The following ZFYVE28 variants were observed in gnomAD, a reference collection of about 807,000 sequenced individuals.
ZFYVE28 encodes the protein zinc finger FYVE-type containing 28, also known as lateral signaling target protein 2 homolog.
In ZFYVE28, 40 loss-of-function variants were observed where a neutral mutation model predicts 82.1. The ratio of observed to expected loss-of-function variants is 0.49; its 90% CI spans 0.38 to 0.63. The LOEUF (loss-of-function observed/expected upper bound fraction) is 0.63. ZFYVE28 is among the 30% of genes least tolerant of loss of function. The pLI is 0.00. For missense variants in ZFYVE28, 1,321 were observed against 1,242.1 expected, an observed-to-expected ratio of 1.06 and a Z score of -0.96; for synonymous variants, 612 against 546.1, an observed-to-expected ratio of 1.12 and a Z score of -1.68.
In ZFYVE28 at chr4:2,321,408, G is replaced by GA. The variant is rs371336050; in HGVS notation, c.702-1138dup. Among the ~76,000 whole-genome samples the GA allele has an allele frequency of 2.2e-3, 342 of 152,262 alleles. 3 individuals are homozygous for GA. Among genetic ancestry groups the GA allele is most frequent in the African/African-American group, 7.6e-3 (317 of 41,560 alleles). On this transcript the variant is annotated intron_variant, in intron 6 of 12. Coordinates refer to ENST00000290974, the MANE Select transcript of ZFYVE28 (RefSeq NM_020972.3). ...AATCGTTGGGTTTCATGTGCAAAAAGAAGATTTGAAAGTCACAGGAAAAGT... is the reference window on the plus strand; with the variant it reads ...AATCGTTGGGTTTCATGTGCAAAAAGAAAGATTTGAAAGTCACAGGAAAAGT...
Position 2,378,653 on chromosome 4 carries a change from T to C in ZFYVE28, c.40-24580A>G, listed in dbSNP as rs370638151. On this transcript the variant is annotated intron_variant, in intron 1 of 12. Coordinates refer to ENST00000290974, the MANE Select transcript of ZFYVE28 (RefSeq NM_020972.3). ...CTCCCGGCTGGGGCTGGTCCTCCTG[T>C]GGACTGTGAGGCAGCACCCTGTCAT... Among the ~76,000 whole-genome samples, 34 of 152,310 alleles carry C rather than the reference T, an allele frequency of 2.2e-4. No individual in the cohort carries two copies. In the South Asian group the frequency reaches 3.9e-3, roughly 18 times the overall value.
intron 6 of ZFYVE28, among the ~76,000 whole-genome samples, chr4:2,324,292 G>T (rs989182643): frequency 6.6e-6 from 1 of 152,112 alleles, no homozygotes; most frequent in South Asian, 2.1e-4. Flanking sequence ...CCCACATCAC[G>T]GAGGGTCGTC....
intron 7 of ZFYVE28, among the ~76,000 whole-genome samples, chr4:2,317,798 A>G (rs941027271): frequency 1.3e-5 from 2 of 152,148 alleles, no homozygotes; most frequent in Non-Finnish European, 2.9e-5. Flanking sequence ...ACGCCCAGCT[A>G]ATTTTTATAT....
At chr4:2,276,257 A>G (rs1164375854) in intron 8 of ZFYVE28, among the ~76,000 whole-genome samples, 1 of 152,220 alleles carries the variant, frequency 6.6e-6, no homozygotes, top group Admixed American at 6.5e-5. Context: ...TAGGAGGCTT[A>G]GGGGGCCTGG....
rs1034147735 is a variant in ZFYVE28 at position 2,333,635 on chromosome 4, G to A, written c.701+2070C>T. 3.9e-5 allele frequency among the ~76,000 whole-genome samples: 6 copies of A among 152,234 alleles called. No homozygotes were observed. The East Asian group carries it at 1.2e-3, about 30-fold the overall frequency. On this transcript the variant is annotated intron_variant, in intron 6 of 12. Coordinates refer to ENST00000290974, the MANE Select transcript of ZFYVE28 (RefSeq NM_020972.3). The stretch of plus-strand genomic sequence containing the variant: ...CCGGCTCATTGACACGGGCATGAGT[G>A]GGCGGGTGGCTTGGTGCCACACCTC...
chr4:2,356,035 C>T (rs865955361), intron 1 of ZFYVE28, among the ~76,000 whole-genome samples: 2 of 152,216 alleles, frequency 1.3e-5, no homozygotes, highest in Non-Finnish European at 2.9e-5. Flanking sequence ...TCTGGCCTGC[C>T]ACCCCTCCCC....
intron 6 of ZFYVE28, among the ~76,000 whole-genome samples, chr4:2,323,135 T>C (rs1319135629): frequency 6.6e-6 from 1 of 152,210 alleles, no homozygotes; most frequent in Non-Finnish European, 1.5e-5. Context: ...ACCAACTGTT[T>C]TCCGTAGCAG....
At chr4:2,311,569 T>G (rs1425707276) in intron 7 of ZFYVE28, among the ~76,000 whole-genome samples, 2 of 152,214 alleles carry the variant, frequency 1.3e-5, no homozygotes, top group Non-Finnish European at 1.5e-5. Flanking sequence ...TTTCCCCTAC[T>G]ATACATTTGT....
rs188793261 is a variant in ZFYVE28, at chr4:2,380,410, G to A, written c.40-26337C>T. On this transcript the variant is annotated intron_variant, in intron 1 of 12. Coordinates refer to ENST00000290974, the MANE Select transcript of ZFYVE28 (RefSeq NM_020972.3). The stretch of plus-strand genomic sequence containing the variant: ...CTCCAAGAACAACTGCCGAGTTATC[G>A]GCTAAGAATCATTGCTTCATGACCA... Among the ~76,000 whole-genome samples the A allele has an allele frequency of 2.6e-5, 4 of 152,316 alleles. No individual in the cohort carries two copies. In the East Asian group the frequency reaches 7.7e-4, roughly 29 times the overall value.
intron 2 of ZFYVE28, among the ~76,000 whole-genome samples, chr4:2,344,710 A>G (rs1216902157): frequency 1.3e-5 from 2 of 151,798 alleles, no homozygotes; most frequent in Admixed American, 1.3e-4. Context: ...CAGCCAGGCC[A>G]ACATGGAGAA....
At chr4:2,396,874 C>T (rs896406713) in intron 1 of ZFYVE28, among the ~76,000 whole-genome samples, 3 of 152,208 alleles carry the variant, frequency 2.0e-5, no homozygotes, top group Non-Finnish European at 4.4e-5. Context: ...GGCTTAACTC[C>T]GACTGACACG....
At chr4:2,336,953 T>G in intron 5 of ZFYVE28, among the ~76,000 whole-genome samples, 1 of 122,032 alleles carries the variant, frequency 8.2e-6, no homozygotes, top group South Asian at 2.7e-4. Context: ...AGTGAGGGGG[T>G]GAGGAGTTAG....
rs1721524782 is a variant in ZFYVE28 at position 2,335,409 on chromosome 4, T to C, written c.701+296A>G. Among the ~76,000 whole-genome samples the C allele has an allele frequency of 6.6e-6, 1 of 152,164 alleles. No homozygotes were observed. The highest frequency in any genetic ancestry group is 2.4e-5 in the African/African-American group (1 of 41,442). ...GACCCTCATGGTCTCCTGTGACTAA[T>C]GAGCTCACCTGTGGATCTCACCTGT... On this transcript the variant is annotated intron_variant, in intron 6 of 12. Coordinates refer to ENST00000290974, the MANE Select transcript of ZFYVE28 (RefSeq NM_020972.3). This position sits in a 1 kb window ranked among gnomAD's most constrained non-coding sequence, Gnocchi z 5.8.
intron 8 of ZFYVE28, among the ~76,000 whole-genome samples, chr4:2,299,357 G>T (rs1183699371): frequency 6.6e-6 from 1 of 151,980 alleles, no homozygotes; most frequent in African/African-American, 2.4e-5. Context: ...ACTGCTGGGG[G>T]TAATCAGCTC....
intron 1 of ZFYVE28, among the ~76,000 whole-genome samples, chr4:2,405,357 T>A (rs1275409764): frequency 6.6e-6 from 1 of 152,256 alleles, no homozygotes; most frequent in East Asian, 1.9e-4. Flanking sequence ...CAGAAGTGTC[T>A]GGAGCACACC....
At chr4:2,388,405 AC>A (rs1729494011) in intron 1 of ZFYVE28, among the ~76,000 whole-genome samples, 1 of 152,124 alleles carries the variant, frequency 6.6e-6, no homozygotes. Flanking sequence ...CAACAGCACA[AC>A]GAGGGCTCCC....
chr4:2,368,230 A>AAAAAAAAC (rs1727123104), intron 1 of ZFYVE28, among the ~76,000 whole-genome samples: 1 of 148,522 alleles, frequency 6.7e-6, no homozygotes, highest in African/African-American at 2.5e-5. Context: ...AAAAAAAAAA[A>AAAAAAAAC]CACTGTATCT....
intron 8 of ZFYVE28, among the ~76,000 whole-genome samples, chr4:2,274,830 G>C (rs4267789): frequency 0.29 from 42,355 of 143,594 alleles, 7,518 homozygotes; most frequent in Non-Finnish European, 0.38. Flanking sequence ...GACCGGAGAC[G>C]CGGCCCCAAC....
At chr4:2,364,580 A>ACAGACGCCCGGGTGGGCTC in intron 1 of ZFYVE28, 1 of 985,568 alleles carries the variant, frequency 1.0e-6, no homozygotes, top group Non-Finnish European at 1.2e-6. Flanking sequence ...GGCACTGGGC[A>ACAGACGCCCGGGTGGGCTC]CAGACGCCCG....
Sources: gnomAD v4.1 joint callset for allele counts (sites outside exome capture counted in the v4.1 genomes callset) on GRCh38, gnomAD v4.1.1 for gene constraint, Gnocchi (gnomAD v3.1) non-coding constraint, MANE v1.5 for transcripts, NCBI Gene and HGNC (gene_info 2026-07-23, HGNC 2026-07-21) for gene names.